Variants in ADA2 observed in about 807,000 individuals in gnomAD.
ADA2 encodes adenosine deaminase CECR1.
A neutral mutation model predicts 44.2 loss-of-function variants in ADA2; 29 were observed. The observed-to-expected ratio is 0.66, with a 90% CI of 0.49 to 0.89. The LOEUF is 0.89. Ranked by LOEUF, ADA2 falls within the 40% of genes least tolerant of loss-of-function variation. The pLI, the probability that ADA2 is intolerant of heterozygous loss-of-function variation, is 0.00. For missense variants in ADA2, 637 were observed against 644.8 expected, an observed-to-expected ratio of 0.99 and a Z score of 0.13; for synonymous variants, 215 against 234.9, an observed-to-expected ratio of 0.92 and a Z score of 0.77.
At chr22:17,191,616 C>T in intron 5 of ADA2, 67 bp downstream of exon 5, 2 of 1,570,016 alleles carry the variant, frequency 1.3e-6, no homozygotes, top group Admixed American at 1.7e-5. Context: ...CCCTCCCCTC[C>T]CAGCCTAGTA....
chr22:17,199,440 T>TTCCCCACCCACCCCACCTCAATCCACA, intron 4 of ADA2: 1 of 1,027,940 alleles, frequency 9.7e-7, no homozygotes, highest in Non-Finnish European at 1.5e-6. Flanking sequence ...CTCTATCCTC[T>TTCCCCACCCACCCCACCTCAATCCACA]TCCCCTCCAC....
chr22:17,209,093 C>T (rs1408841543), intron 2 of ADA2, among the ~76,000 whole-genome samples: 1 of 151,918 alleles, frequency 6.6e-6, no homozygotes, highest in Non-Finnish European at 1.5e-5. Flanking sequence ...TAGCTTAGCC[C>T]CTGGGAAAAC....
chr22:17,221,485 G>A (rs752550556), upstream of ADA2, among the ~76,000 whole-genome samples: 2 of 151,990 alleles, frequency 1.3e-5, no homozygotes, highest in African/African-American at 2.4e-5. Context: ...CCCCTTGAAG[G>A]GTTTTTTTAA....
At chr22:17,207,412 G>T in intron 2 of ADA2, 122 bp from the exon 3 acceptor site, 1 of 683,234 alleles carries the variant, frequency 1.5e-6, no homozygotes, top group Non-Finnish European at 2.5e-6. Flanking sequence ...GGGGACAAAG[G>T]GGTGAAGTCC....
At chr22:17,215,749 T>C (rs1190494359) in intron 1 of ADA2, among the ~76,000 whole-genome samples, 1 of 152,082 alleles carries the variant, frequency 6.6e-6, no homozygotes, top group East Asian at 1.9e-4. Context: ...AGGAAGTTGA[T>C]CTCATAGATA....
intron 6 of ADA2, chr22:17,188,868 A>AAAAAAAAAT: frequency 2.5e-5 from 2 of 81,180 alleles, no homozygotes; most frequent in Non-Finnish European, 5.4e-5. Flanking sequence ...AAGAGCAAAA[A>AAAAAAAAAT]ATATATATAT....
intron 7 of ADA2, among the ~76,000 whole-genome samples, chr22:17,188,093 G>A (rs11089415): frequency 0.56 from 82,914 of 149,110 alleles, 23,351 homozygotes; most frequent in East Asian, 0.78. Context: ...GAAAAAAAAA[G>A]AAGAAGAAGA....
At chr22:17,198,378 C>G (rs1346769930) in intron 4 of ADA2, among the ~76,000 whole-genome samples, 1 of 152,142 alleles carries the variant, frequency 6.6e-6, no homozygotes, top group Non-Finnish European at 1.5e-5. Context: ...AATCGACAGA[C>G]AAGTAAATAG....
At chr22:17,193,357 GCAAAAAA>G (rs2062146342) in intron 4 of ADA2, 7 of 47,028 alleles carry the variant, frequency 1.5e-4, no homozygotes, top group South Asian at 3.6e-4. Flanking sequence ...CGTAAAAACT[GCAAAAAA>G]AAAAAAAAAA....
intron 1 of ADA2, among the ~76,000 whole-genome samples, 199 bp downstream of exon 1, chr22:17,219,157 A>G (rs1347883253): frequency 1.3e-5 from 2 of 152,232 alleles, no homozygotes; most frequent in African/African-American, 4.8e-5. Flanking sequence ...GGCCACATGC[A>G]TCTGTGGTCC....
chr22:17,183,454 CTCTT>C (rs2061996518), intron 7 of ADA2, among the ~76,000 whole-genome samples: 3 of 76,138 alleles, frequency 3.9e-5, no homozygotes, highest in African/African-American at 5.8e-5. Context: ...TTTTGTGGCA[CTCTT>C]TTTTTTTTTT....
chr22:17,199,434 A>ATCCTCTTCCCCTCCCTCCCCTCCTCTG lies in ADA2; in HGVS notation c.753+4128_753+4129insCAGAGGAGGGGAGGGAGGGGAAGAGGA, dbSNP rs2062242572. The ATCCTCTTCCCCTCCCTCCCCTCCTCTG allele has an allele frequency of 1.6e-5, 16 of 1,021,780 alleles. No individual in the cohort carries two copies. In the East Asian group the frequency reaches 1.7e-4, roughly 11 times the overall value. 63.3% of individuals were successfully genotyped at this position (1,021,780 alleles called of 1,614,324 possible). The stretch of plus-strand genomic sequence containing the variant: ...CAGCGTCTCCTCCCTCCCCTCCTCT[A>ATCCTCTTCCCCTCCCTCCCCTCCTCTG]TCCTCTTCCCCTCCACCCACGAAGA... On this transcript the variant is annotated intron_variant, in intron 4 of 9. Coordinates refer to ENST00000399837, the MANE Select transcript of ADA2 (RefSeq NM_001282225.2).
intron 6 of ADA2, 36 bp downstream of exon 6, chr22:17,189,906 T>G (rs763367949): frequency 1.3e-6 from 2 of 1,507,392 alleles, no homozygotes; most frequent in Middle Eastern, 1.7e-4. Context: ...GCATGCCCCC[T>G]TAACAGGCAG....
At chr22:17,199,446 T>TCCCCACCTCAAACCTCTTCCCCA in intron 4 of ADA2, 1 of 917,626 alleles carries the variant, frequency 1.1e-6, no homozygotes, top group Non-Finnish European at 1.7e-6. Flanking sequence ...CCTCTTCCCC[T>TCCCCACCTCAAACCTCTTCCCCA]CCACCCACGA....
intron 7 of ADA2, among the ~76,000 whole-genome samples, chr22:17,183,010 A>G (rs1396261117): frequency 6.6e-6 from 1 of 152,238 alleles, no homozygotes; most frequent in Non-Finnish European, 1.5e-5. Flanking sequence ...CTAATGAGAA[A>G]GTTGAAACTT....
At chr22:17,206,581 A>G (rs2062355982) in intron 3 of ADA2, among the ~76,000 whole-genome samples, 1 of 152,200 alleles carries the variant, frequency 6.6e-6, no homozygotes, top group African/African-American at 2.4e-5. Context: ...TACTATGGAT[A>G]GAAAAGGTGT....
chr22:17,210,704 T>C (rs1250955451), intron 1 of ADA2, among the ~76,000 whole-genome samples: 1 of 151,860 alleles, frequency 6.6e-6, no homozygotes, highest in Non-Finnish European at 1.5e-5. Context: ...TTTAAGCGAT[T>C]CTCGTGCCTC....
chr22:17,221,226 T>C (rs1056543116), upstream of ADA2, among the ~76,000 whole-genome samples: 2 of 152,036 alleles, frequency 1.3e-5, no homozygotes, highest in African/African-American at 4.8e-5. Context: ...AGAAACAAGA[T>C]TGATTCCAGC....
rs1555888352 is a variant in ADA2 at position 17,216,798 on chromosome 22, A to AGT, written c.-47+2557_-47+2558insAC. ...CACACACACACACACACATATATAT[A>AGT]GAGAGAGAGACTCAAATAAAATGGA... On this transcript the variant is annotated intron_variant, in intron 1 of 9. Transcript: ENST00000399837. Among the ~76,000 whole-genome samples, 7 of 90,568 alleles carry AGT rather than the reference A, an allele frequency of 7.7e-5. No individual in the cohort carries two copies. In the East Asian group the frequency reaches 5.4e-3, roughly 70 times the overall value. The allele number at this position is 90,568 out of a possible 152,430, so 59.4% of individuals were successfully genotyped here.
Sources: allele counts gnomAD v4.1 joint callset (sites outside exome capture counted in the v4.1 genomes callset), GRCh38; gene constraint gnomAD v4.1.1; transcripts MANE v1.5; gene names NCBI Gene and HGNC (gene_info 2026-07-23, HGNC 2026-07-21).